The following ADGRL4 variants were observed in gnomAD, a reference collection of about 807,000 sequenced individuals.
ADGRL4 encodes adhesion G protein-coupled receptor L4.
Under a neutral mutation model 74.8 loss-of-function variants are expected in ADGRL4, and 90 were observed. The ratio of observed to expected loss-of-function variants is 1.20; its 90% CI spans 1.02 to 1.43. ADGRL4 has a LOEUF of 1.43. ADGRL4 is among the 40% of genes most tolerant of loss of function. ADGRL4 has a pLI of 0.00. For missense variants in ADGRL4, 881 were observed against 814.3 expected (o/e 1.08, Z -1.00); for synonymous variants, 311 against 279.2 (o/e 1.11, Z -1.14).
chr1:78,968,735 T>C (rs559328879), intron 2 of ADGRL4, among the ~76,000 whole-genome samples: 6 of 152,324 alleles, frequency 3.9e-5, no homozygotes, highest in African/African-American at 9.6e-5. Context: ...TCATCTGTCA[T>C]TGGGTCAGGG....
At chr1:78,894,187 C>CT (rs1227205275) in intron 12 of ADGRL4, among the ~76,000 whole-genome samples, 2 of 151,794 alleles carry the variant, frequency 1.3e-5, no homozygotes, top group South Asian at 2.1e-4. Flanking sequence ...TAAAACATTT[C>CT]TTTTTTCTAT....
At chr1:78,919,751 A>T (rs1384959392) in intron 10 of ADGRL4, among the ~76,000 whole-genome samples, 1 of 151,926 alleles carries the variant, frequency 6.6e-6, no homozygotes, top group African/African-American at 2.4e-5. Context: ...TAATCTTGGG[A>T]AATGGGAAGT....
chr1:78,926,257 T>A (rs1649112489), intron 8 of ADGRL4, among the ~76,000 whole-genome samples: 1 of 152,116 alleles, frequency 6.6e-6, no homozygotes, highest in South Asian at 2.1e-4. Context: ...TAACATCAAC[T>A]GTGAAATGGT....
intron 2 of ADGRL4, among the ~76,000 whole-genome samples, chr1:78,956,690 C>G (rs1187867217): frequency 6.6e-6 from 1 of 151,948 alleles, no homozygotes; most frequent in Admixed American, 6.6e-5. Context: ...AATTGAATTA[C>G]CTATCAATAT....
rs1648248372 is a variant in ADGRL4 at position 78,890,562 on chromosome 1, T to A, written c.*592A>T. On this transcript the variant is annotated 3_prime_UTR_variant, in exon 15 of 15. Transcript: ENST00000370742. Reference sequence around the variant, plus strand: ...CAAACAGAAGTCTAAGTTGTTTTAGTGGACATTTAAGTTCAGAACAATTCA... The same window carrying A: ...CAAACAGAAGTCTAAGTTGTTTTAGAGGACATTTAAGTTCAGAACAATTCA... 6.6e-6 allele frequency: 1 copy of A among 151,918 alleles called. No homozygotes were observed. The allele number at this position is 151,918 out of a possible 1,614,324, so 9.4% of individuals were successfully genotyped here.
At position 78,891,224 on chromosome 1, in the gene ADGRL4, T is replaced by G. The variant is rs1201452118; in HGVS notation, c.2011-8A>C. The G allele has an allele frequency of 6.3e-7, 1 of 1,589,720 alleles. No individual in the cohort carries two copies. The highest frequency in any genetic ancestry group is 1.1e-5 in the South Asian group (1 of 87,174). On this transcript the variant is annotated splice_region_variant and splice_polypyrimidine_tract_variant and intron_variant, in intron 14 of 14. Coordinates refer to ENST00000370742, the MANE Select transcript of ADGRL4 (RefSeq NM_022159.4). ...GTAATATTCTTCTTGAATCTAAAAA[T>G]TAAAAAAAGGAAAGGAAGAAATGTT...
chr1:78,956,093 A>C (rs1649822745), intron 2 of ADGRL4, among the ~76,000 whole-genome samples: 1 of 152,108 alleles, frequency 6.6e-6, no homozygotes, highest in Non-Finnish European at 1.5e-5. Flanking sequence ...TATAACCTTG[A>C]CCTCTATATG....
chr1:78,906,801 C>T (rs1361628839), intron 12 of ADGRL4, among the ~76,000 whole-genome samples: 1 of 151,854 alleles, frequency 6.6e-6, no homozygotes, highest in East Asian at 1.9e-4. Flanking sequence ...TAAAATAGAA[C>T]TTTCGCAATT....
At chr1:78,914,354 G>A (rs1648824782) in intron 12 of ADGRL4, among the ~76,000 whole-genome samples, 1 of 151,828 alleles carries the variant, frequency 6.6e-6, no homozygotes, top group African/African-American at 2.4e-5. Context: ...GTTGGCAGAA[G>A]ATATTTCTTA....
At chr1:78,948,328 A>T (rs1287945628) in intron 2 of ADGRL4, among the ~76,000 whole-genome samples, 2 of 152,162 alleles carry the variant, frequency 1.3e-5, no homozygotes, top group Non-Finnish European at 2.9e-5. Flanking sequence ...GGGTAATGTA[A>T]CAGTTTGATT....
chr1:79,004,998 A>C, intron 2 of ADGRL4, 72 bp downstream of exon 2: 1 of 1,386,066 alleles, frequency 7.2e-7, no homozygotes, highest in Non-Finnish European at 9.9e-7. Flanking sequence ...TAGTTTCTGG[A>C]GGACAGAAAA....
intron 12 of ADGRL4, among the ~76,000 whole-genome samples, chr1:78,908,652 C>T (rs934862996): frequency 6.6e-6 from 1 of 151,914 alleles, no homozygotes; most frequent in African/African-American, 2.4e-5. Context: ...GACTATCTTG[C>T]TTTACCAACA....
At chr1:78,945,966 A>G (rs1435610333) in intron 3 of ADGRL4, among the ~76,000 whole-genome samples, 2 of 152,112 alleles carry the variant, frequency 1.3e-5, no homozygotes, top group African/African-American at 2.4e-5. Flanking sequence ...AAGTGTAAAC[A>G]TTTATTCTGT....
rs150362813 is a variant in ADGRL4 at position 78,941,920 on chromosome 1, C to A, written c.326-2662G>T. 3.6e-3 allele frequency among the ~76,000 whole-genome samples: 551 copies of A among 152,204 alleles called. 5 individuals are homozygous for A. The highest frequency in any genetic ancestry group is 0.024 in the Middle Eastern group (7 of 294). ...ATATCTTAAAAAGACACCTTCTAGG[C>A]CCGGCGCAGTGGCTTTCGCCTGTAA... On this transcript the variant is annotated intron_variant, in intron 3 of 14. Transcript: ENST00000370742.
intron 8 of ADGRL4, among the ~76,000 whole-genome samples, chr1:78,923,671 A>G (rs1649047702): frequency 6.6e-6 from 1 of 152,018 alleles, no homozygotes; most frequent in Non-Finnish European, 1.5e-5. Context: ...TATCTCAGAG[A>G]GATGAGATAC....
chr1:78,949,053 T>G (rs185454512), intron 2 of ADGRL4, among the ~76,000 whole-genome samples: 166 of 152,222 alleles, frequency 1.1e-3, no homozygotes, highest in African/African-American at 3.8e-3. Context: ...TATTAAACTT[T>G]AAAAGAAATT....
Position 78,946,278 on chromosome 1 carries a change from A to G in ADGRL4, c.321T>C (p.Cys107=), listed in dbSNP as rs748589120. Residue 107 remains cysteine (C), a synonymous_variant, in exon 3 of 15, where the codon TGT becomes TGC. Transcript: ENST00000370742. ...DRFITNDGTV[C]IENVNANCHL... ...AACTTAGATAACCGAACTTACCTAT[A>G]CAGACGGTTCCATCATTAGTGATAA... The G allele has an allele frequency of 5.6e-6, 9 of 1,610,460 alleles. No individual in the cohort carries two copies. The East Asian group carries it at 2.0e-4, about 36-fold the overall frequency.
At position 78,926,866 on chromosome 1, in the gene ADGRL4, C is replaced by A. The variant is rs1307221791; in HGVS notation, c.1083+20G>T. The A allele has an allele frequency of 6.4e-7, 1 of 1,570,742 alleles. No individual in the cohort carries two copies. Among genetic ancestry groups the A allele is most frequent in the Admixed American group, 1.7e-5 (1 of 59,516 alleles). On this transcript the variant is annotated intron_variant, in intron 8 of 14. Coordinates refer to ENST00000370742, the MANE Select transcript of ADGRL4 (RefSeq NM_022159.4). ...ACTGTATCACAATCATAGCCAATAA[C>A]TACCAGAAAAACAGCTTACCTTTCG...
Position 78,917,656 on chromosome 1 carries a change from C to A in ADGRL4, c.1727G>T (p.Gly576Val). Residue 576 changes from glycine (G) to valine (V), a missense_variant, in exon 12 of 15, where the codon GGA becomes GTA. Coordinates refer to ENST00000370742, the MANE Select transcript of ADGRL4 (RefSeq NM_022159.4). The part of the protein sequence containing the change: ...TENNFIWSFI[G>V]PACLIILVNL... Reference sequence around the variant, plus strand: ...TACAAGAATGATTAGGCATGCTGGTCCTATAAAACTCCAAATAAAGTTGTT... The same window carrying A: ...TACAAGAATGATTAGGCATGCTGGTACTATAAAACTCCAAATAAAGTTGTT... 6.2e-7 allele frequency: 1 copy of A among 1,604,662 alleles called. No individual in the cohort carries two copies. The highest frequency in any genetic ancestry group is 1.7e-5 in the Admixed American group (1 of 59,210).
Sources: allele counts gnomAD v4.1 joint callset (sites outside exome capture counted in the v4.1 genomes callset), GRCh38; gene constraint gnomAD v4.1.1; transcripts MANE v1.5; gene names NCBI Gene and HGNC (gene_info 2026-07-23, HGNC 2026-07-21).